INTS6: variants seen among roughly 807,000 people sequenced by gnomAD.
INTS6 encodes the protein integrator complex subunit 6.
INTS6 carries 16 observed loss-of-function variants against 104.9 expected under a neutral mutation model. That is an observed-to-expected ratio of 0.15 (90% CI 0.10 to 0.23). INTS6 has a LOEUF of 0.23. Ranked by LOEUF, INTS6 falls within the 10% of genes least tolerant of loss-of-function variation. The pLI is 1.00. For synonymous variants in INTS6, 324 were observed against 358.7 expected (o/e 0.90, Z 1.09); for missense variants, 584 against 1,062.8 (o/e 0.55, Z 6.26).
Position 51,368,961 on chromosome 13 carries a change from T to C in INTS6, c.2454A>G (p.Lys818=). Residue 818 remains lysine (K), a synonymous_variant, in exon 16 of 18, where the codon AAA becomes AAG. Coordinates refer to ENST00000311234, the MANE Select transcript of INTS6 (RefSeq NM_012141.3). ...VNTELKAQIM[K]EIRKPGRKYE... is the part of the protein sequence containing the mutation. Reference sequence around the variant, plus strand: ...TACTTCTTCCTGGCTTTCGGATCTCTTTCATTATTTGTGCTTTTAGTTCAG... The same window carrying C: ...TACTTCTTCCTGGCTTTCGGATCTCCTTCATTATTTGTGCTTTTAGTTCAG... 1 of 1,595,142 alleles carries C rather than the reference T, an allele frequency of 6.3e-7. No homozygotes were observed. The highest frequency in any genetic ancestry group is 8.5e-7 in the Non-Finnish European group (1 of 1,170,482).
chr13:51,435,879 G>C (rs1366811369), intron 3 of INTS6, among the ~76,000 whole-genome samples: 3 of 151,808 alleles, frequency 2.0e-5, no homozygotes, highest in African/African-American at 7.3e-5. Context: ...TACACAAACT[G>C]GGTAATAACA....
chr13:51,413,049 G>A lies in INTS6; in HGVS notation c.429+17245C>T, dbSNP rs1048493945. Among the ~76,000 whole-genome samples, 8 of 152,194 alleles carry A rather than the reference G, an allele frequency of 5.3e-5. No individual in the cohort carries two copies. The South Asian group carries it at 1.4e-3, about 28-fold the overall frequency. On this transcript the variant is annotated intron_variant, in intron 4 of 17. Coordinates refer to ENST00000311234, the MANE Select transcript of INTS6 (RefSeq NM_012141.3). Reference sequence around the variant, plus strand: ...TGAACAGCAACTGTGTGACTATTATGTGGCAGGTACTGAAGGTATAATGGT... The same window carrying A: ...TGAACAGCAACTGTGTGACTATTATATGGCAGGTACTGAAGGTATAATGGT...
chr13:51,365,853 A>C lies in INTS6; in HGVS notation c.2571-8T>G. On this transcript the variant is annotated splice_region_variant and splice_polypyrimidine_tract_variant and intron_variant, in intron 17 of 17. Coordinates refer to ENST00000311234, the MANE Select transcript of INTS6 (RefSeq NM_012141.3). Reference sequence around the variant, plus strand: ...AGCATTCGTTTTTTAAACCTGTATGAAAAAATAAATAGTACTCTCAATTAC... The same window carrying C: ...AGCATTCGTTTTTTAAACCTGTATGCAAAAATAAATAGTACTCTCAATTAC... 1 of 1,540,924 alleles carries C rather than the reference A, an allele frequency of 6.5e-7. No individual in the cohort carries two copies. Among genetic ancestry groups the C allele is most frequent in the Non-Finnish European group, 8.9e-7 (1 of 1,123,794 alleles).
At chr13:51,380,577 T>C (rs1956027340) in intron 10 of INTS6, among the ~76,000 whole-genome samples, 1 of 152,160 alleles carries the variant, frequency 6.6e-6, no homozygotes, top group Admixed American at 6.5e-5. Flanking sequence ...TCAACACAAC[T>C]TATCTGTTAG....
At chr13:51,437,656 T>G (rs564243332) in intron 3 of INTS6, 4 of 152,362 alleles carry the variant, frequency 2.6e-5, no homozygotes, top group African/African-American at 9.6e-5. Flanking sequence ...TGGAAAACTC[T>G]AACAGTATAT....
chr13:51,378,191 T>C, intron 12 of INTS6, 48 bp downstream of exon 12: 1 of 1,346,952 alleles, frequency 7.4e-7, no homozygotes, highest in Non-Finnish European at 1.1e-6. Flanking sequence ...ATTTATCCAG[T>C]AACATAACAG....
At chr13:51,429,002 C>T (rs1260822018) in intron 4 of INTS6, among the ~76,000 whole-genome samples, 3 of 152,138 alleles carry the variant, frequency 2.0e-5, no homozygotes, top group African/African-American at 7.2e-5. Context: ...TAAGTACCTT[C>T]ATATACATTA....
intron 7 of INTS6, among the ~76,000 whole-genome samples, chr13:51,387,105 TAA>T (rs1413092067): frequency 2.0e-5 from 3 of 152,188 alleles, no homozygotes; most frequent in Non-Finnish European, 4.4e-5. Flanking sequence ...ATTTAGAGTC[TAA>T]AGAGGAAATT....
rs1231171488 is a variant in INTS6, at chr13:51,364,877, A to G, written c.*875T>C. ...TAACAGCTTCAGCTTCGTGCCATCC[A>G]CAATCCTAGTGATAAAGGAAAAGGT... On this transcript the variant is annotated 3_prime_UTR_variant, in exon 18 of 18. Transcript: ENST00000311234. 6.6e-6 allele frequency: 1 copy of G among 152,268 alleles called. No individual in the cohort carries two copies. Among genetic ancestry groups the G allele is most frequent in the Non-Finnish European group, 1.5e-5 (1 of 68,010 alleles). 9.4% of individuals were successfully genotyped at this position (152,268 alleles called of 1,614,324 possible). A position where few individuals can be genotyped will look rare whatever the true frequency, so the allele number is the denominator to read the frequency against.
chr13:51,361,314 A>C (rs374323737), downstream of INTS6: 4 of 1,610,198 alleles, frequency 2.5e-6, no homozygotes, highest in African/African-American at 2.7e-5. Context: ...GCAATCCACA[A>C]GGCCAAGATT....
At chr13:51,346,469 T>A in the INTS6 span, among the ~76,000 whole-genome samples, 1 of 152,124 alleles carries the variant, frequency 6.6e-6, no homozygotes, top group African/African-American at 2.4e-5. Context: ...CAGAAAAGAA[T>A]AAAAAGCAGG....
chr13:51,365,860 A>T lies in INTS6; in HGVS notation c.2571-15T>A. 6.8e-7 allele frequency: 1 copy of T among 1,459,908 alleles called. No individual in the cohort carries two copies. Among genetic ancestry groups the T allele is most frequent in the Non-Finnish European group, 9.5e-7 (1 of 1,052,608 alleles). The allele number at this position is 1,459,908 out of a possible 1,614,324, so 90.4% of individuals were successfully genotyped here. A position where few individuals can be genotyped will look rare whatever the true frequency, so the allele number is the denominator to read the frequency against. ...GTTTTTTAAACCTGTATGAAAAAAT[A>T]AATAGTACTCTCAATTACTTTTTAA... On this transcript the variant is annotated splice_polypyrimidine_tract_variant and intron_variant, in intron 17 of 17. Coordinates refer to ENST00000311234, the MANE Select transcript of INTS6 (RefSeq NM_012141.3).
intron 7 of INTS6, 138 bp from the exon 8 acceptor site, chr13:51,383,879 TGAAAG>T: frequency 1.8e-6 from 1 of 566,742 alleles, no homozygotes; most frequent in Non-Finnish European, 2.9e-6. Flanking sequence ...AACATTAAGC[TGAAAG>T]GAAACACTTG....
chr13:51,392,825 T>C (rs1393940069), intron 5 of INTS6, among the ~76,000 whole-genome samples: 2 of 152,154 alleles, frequency 1.3e-5, no homozygotes, highest in Non-Finnish European at 2.9e-5. Flanking sequence ...ATAAGCTTTC[T>C]ATTGTTCCTG....
intron 5 of INTS6, among the ~76,000 whole-genome samples, chr13:51,393,061 C>T (rs372797001): frequency 2.6e-5 from 4 of 151,158 alleles, no homozygotes; most frequent in East Asian, 1.9e-4. Context: ...CAAATACACA[C>T]ATAAACAACT....
Position 51,395,336 on chromosome 13 carries a change from C to T in INTS6, c.577G>A (p.Asp193Asn). 6.2e-7 allele frequency: 1 copy of T among 1,612,040 alleles called. No individual in the cohort carries two copies. The highest frequency in any genetic ancestry group is 8.5e-7 in the Non-Finnish European group (1 of 1,179,364). Residue 193 changes from aspartate to asparagine, a missense_variant, in exon 5 of 18, where the codon GAC becomes AAC. This residue lies in a region of INTS6 where 144 missense variants were observed against 348.7 expected (regional missense o/e 0.41). Transcript: ENST00000311234. ...SEQLTGVPLD[D>N]SAITPMCEVT... ...TCACACATTGGTGTGATTGCAGAGT[C>T]ATCTAAAGGCACACCTGTCAACTGT...
At chr13:51,388,192 C>T (rs970624509) in intron 6 of INTS6, among the ~76,000 whole-genome samples, 1 of 151,978 alleles carries the variant, frequency 6.6e-6, no homozygotes, top group Non-Finnish European at 1.5e-5. Context: ...AGTTTGGTTT[C>T]GTTAAAGCAG....
intron 3 of INTS6, among the ~76,000 whole-genome samples, chr13:51,356,131 C>G (rs1221945224): frequency 1.3e-5 from 2 of 152,082 alleles, no homozygotes; most frequent in African/African-American, 4.8e-5. Flanking sequence ...ATCTATTCTA[C>G]AGAGTTTAAA....
In INTS6 at chr13:51,409,580, T is replaced by C. The variant is rs143419204; in HGVS notation, c.430-14097A>G. Among the ~76,000 whole-genome samples the C allele has an allele frequency of 7.4e-3, 1,124 of 152,058 alleles. 15 individuals are homozygous for C. The highest frequency in any genetic ancestry group is 0.025 in the African/African-American group (1,050 of 41,532). On this transcript the variant is annotated intron_variant, in intron 4 of 17. Coordinates refer to ENST00000311234, the MANE Select transcript of INTS6 (RefSeq NM_012141.3). ...CTGCCTTTATTTGTGCTGTCTGATA[T>C]AGGTTAGGTAATTTATTATTTGTAT... is the stretch of plus-strand genomic sequence containing the variant.
Sources: gnomAD v4.1 joint callset for allele counts (sites outside exome capture counted in the v4.1 genomes callset) on GRCh38, gnomAD v4.1.1 for gene constraint, gnomAD v4.1.1 regional missense constraint, MANE v1.5 for transcripts, NCBI Gene and HGNC (gene_info 2026-07-23, HGNC 2026-07-21) for gene names.